Variants in DHRSX observed in about 807,000 individuals in gnomAD.
DHRSX encodes polyprenol dehydrogenase.
DHRSX carries 31 observed loss-of-function variants against 34.0 expected under a neutral mutation model. That is an observed-to-expected ratio of 0.91 (90% CI 0.69 to 1.23). The LOEUF is 1.23. DHRSX is among the 50% of genes most tolerant of loss of function. The pLI, the probability that DHRSX is intolerant of heterozygous loss-of-function variation, is 0.00. For missense variants in DHRSX, 414 were observed against 428.1 expected (o/e 0.97, Z 0.29); for synonymous variants, 201 against 183.8 (o/e 1.09, Z -0.76).
chrX:2,397,930 G>GCACACACACACA lies in DHRSX; in HGVS notation c.286+10803_286+10814dup, dbSNP rs111697078. On this transcript the variant is annotated intron_variant, in intron 3 of 6. Transcript: ENST00000334651. ...AAAAGTGCCAATATCCTCAGAGCGC[G>GCACACACACACA]CACACACACACACACACACACACAT... 3.2e-3 allele frequency among the ~76,000 whole-genome samples: 439 copies of GCACACACACACA among 138,510 alleles called. 6 individuals are homozygous for GCACACACACACA. Among genetic ancestry groups the GCACACACACACA allele is most frequent in the African/African-American group, 0.012 (425 of 34,310 alleles). 90.9% of individuals were successfully genotyped at this position (138,510 alleles called of 152,430 possible).
chrX:2,495,292 A>G (rs2045253764), intron 1 of DHRSX, among the ~76,000 whole-genome samples: 1 of 151,588 alleles, frequency 6.6e-6, no homozygotes, highest in South Asian at 2.1e-4. Flanking sequence ...CATTATTCCT[A>G]TTGTTGTTAT....
intron 1 of DHRSX, among the ~76,000 whole-genome samples, chrX:2,437,704 T>A (rs1322928476): frequency 4.5e-5 from 1 of 22,174 alleles, no homozygotes; most frequent in Non-Finnish European, 1.0e-4. Context: ...AGAGAGTGTG[T>A]GTGTGTGTGT....
chrX:2,446,865 C>A (rs1353456018), intron 1 of DHRSX, among the ~76,000 whole-genome samples: 1 of 152,094 alleles, frequency 6.6e-6, no homozygotes, highest in Non-Finnish European at 1.5e-5. Flanking sequence ...AAGAATGGGG[C>A]CAAGGGACCG....
At position 2,221,212 on chromosome X, in the gene DHRSX, C is replaced by T. The variant is rs200460186; in HGVS notation, c.822G>A (p.Ala274=). 3.5e-5 allele frequency: 57 copies of T among 1,613,370 alleles called. No individual in the cohort carries two copies. In the South Asian group the frequency reaches 3.6e-4, roughly 10 times the overall value. ...WLLFKTPDEG[A]WTSIYAAVTP... ...TGACTGCTGCGTAGATGGAAGTCCA[C>T]GCTCCTTCATCGGGGGTCTGGTGGA... The change falls in exon 7 of 7, where the codon GCG becomes GCA. Residue 274 remains alanine (A), a synonymous_variant. Coordinates refer to ENST00000334651, the MANE Select transcript of DHRSX (RefSeq NM_145177.3).
chrX:2,325,501 AAAGT>A (rs1221260345), intron 3 of DHRSX, among the ~76,000 whole-genome samples: 8 of 152,218 alleles, frequency 5.3e-5, no homozygotes, highest in Admixed American at 6.5e-5. Flanking sequence ...AGCCACATGT[AAAGT>A]AAGAAAAACA....
chrX:2,410,058 A>G (rs2043606552), intron 2 of DHRSX, among the ~76,000 whole-genome samples: 1 of 152,128 alleles, frequency 6.6e-6, no homozygotes, highest in Non-Finnish European at 1.5e-5. Flanking sequence ...TAGGAAGTGA[A>G]CATGCGTTGA....
chrX:2,330,061 GC>G (rs2124545884), intron 3 of DHRSX, among the ~76,000 whole-genome samples: 1 of 13,970 alleles, frequency 7.2e-5, no homozygotes, highest in East Asian at 1.5e-3. Flanking sequence ...TGAGAGAGAA[GC>G]AGAGAGACGG....
intron 3 of DHRSX, among the ~76,000 whole-genome samples, chrX:2,375,617 G>A (rs969825069): frequency 7.4e-6 from 1 of 134,432 alleles, no homozygotes; most frequent in African/African-American, 2.5e-5. Context: ...TTGGTTGGTC[G>A]GTTGGTTGGT....
At chrX:2,335,804 C>G (rs1323393391) in intron 3 of DHRSX, among the ~76,000 whole-genome samples, 1 of 151,790 alleles carries the variant, frequency 6.6e-6, no homozygotes, top group African/African-American at 2.4e-5. Flanking sequence ...AAGTTCCCAG[C>G]TTGACTTTTC....
At chrX:2,464,038 T>G (rs777298825) in intron 1 of DHRSX, among the ~76,000 whole-genome samples, 2 of 152,234 alleles carry the variant, frequency 1.3e-5, no homozygotes, top group African/African-American at 4.8e-5. Context: ...CTGTACACAC[T>G]GGAGACGTTC....
chrX:2,353,258 C>A (rs7059904), intron 3 of DHRSX, among the ~76,000 whole-genome samples: 8 of 151,884 alleles, frequency 5.3e-5, no homozygotes, highest in African/African-American at 1.7e-4. Context: ...AAAGAAAAAG[C>A]GTCCAACACC....
intron 2 of DHRSX, 83 bp downstream of exon 2, chrX:2,425,114 C>T (rs565065161): frequency 1.3e-5 from 14 of 1,056,830 alleles, no homozygotes; most frequent in African/African-American, 8.2e-5. Context: ...CAGTCCAGCA[C>T]GGGTTGACGG....
At chrX:2,416,768 G>A (rs752258978) in intron 2 of DHRSX, among the ~76,000 whole-genome samples, 1 of 152,204 alleles carries the variant, frequency 6.6e-6, no homozygotes, top group South Asian at 2.1e-4. Context: ...TTGAACAACT[G>A]ATATATGTGT....
chrX:2,221,367 G>A (rs2015516305), intron 6 of DHRSX, 138 bp from the exon 7 acceptor site: 2 of 876,102 alleles, frequency 2.3e-6, no homozygotes, highest in African/African-American at 1.7e-5. Flanking sequence ...CAAAAAGCGA[G>A]GTTGGGTGAT....
intron 3 of DHRSX, among the ~76,000 whole-genome samples, chrX:2,348,378 T>C (rs1194090551): frequency 6.6e-6 from 1 of 152,206 alleles, no homozygotes; most frequent in African/African-American, 2.4e-5. Flanking sequence ...GCCAGGGTTT[T>C]GATGCATTTG....
chrX:2,266,506 C>T (rs1434485692), intron 5 of DHRSX, among the ~76,000 whole-genome samples: 16 of 150,812 alleles, frequency 1.1e-4, no homozygotes, highest in Non-Finnish European at 8.9e-5. Flanking sequence ...GCACTGTCCC[C>T]AGAGCACCAG....
At chrX:2,267,878 T>C (rs1258581675) in intron 4 of DHRSX, among the ~76,000 whole-genome samples, 2 of 151,760 alleles carry the variant, frequency 1.3e-5, no homozygotes, top group Non-Finnish European at 2.9e-5. Flanking sequence ...GCCCAAGAGG[T>C]GGAGGTTGCA....
intron 1 of DHRSX, among the ~76,000 whole-genome samples, chrX:2,468,832 C>A (rs1039728101): frequency 7.2e-5 from 11 of 151,866 alleles, no homozygotes; most frequent in African/African-American, 2.7e-4. Context: ...ACACTGAAGA[C>A]GTTCCCTAAG....
intron 5 of DHRSX, among the ~76,000 whole-genome samples, chrX:2,264,499 C>G (rs1259660173): frequency 6.7e-6 from 1 of 150,108 alleles, no homozygotes; most frequent in Non-Finnish European, 1.5e-5. Context: ...CACCTGTGTC[C>G]AGCAGACTCA....
Sources: allele counts gnomAD v4.1 joint callset (sites outside exome capture counted in the v4.1 genomes callset), GRCh38; gene constraint gnomAD v4.1.1; transcripts MANE v1.5; gene names NCBI Gene and HGNC (gene_info 2026-07-23, HGNC 2026-07-21).